The following STAG1 variants were observed in gnomAD, a reference collection of about 807,000 sequenced individuals.
STAG1 encodes the protein STAG1 cohesin complex component.
Under a neutral mutation model 170.9 loss-of-function variants are expected in STAG1, and 26 were observed. The ratio of observed to expected loss-of-function variants is 0.15; its 90% CI spans 0.11 to 0.21. The LOEUF (loss-of-function observed/expected upper bound fraction) is 0.21, where lower values mean the gene tolerates loss of function less well. Among genes scored for constraint, STAG1 ranks in the 10% least tolerant of loss-of-function variants. The pLI is 1.00. For missense variants in STAG1, 964 were observed against 1,509.5 expected (o/e 0.64, Z 5.99); for synonymous variants, 514 against 497.7 (o/e 1.03, Z -0.44).
chr3:136,599,820 G>C (rs1938587864), intron 4 of STAG1, among the ~76,000 whole-genome samples: 1 of 152,028 alleles, frequency 6.6e-6, no homozygotes, highest in African/African-American at 2.4e-5. Context: ...TCCATATCTT[G>C]TTTCATCTTC....
At chr3:136,686,334 G>A (rs369623581) in intron 1 of STAG1, among the ~76,000 whole-genome samples, 7 of 152,154 alleles carry the variant, frequency 4.6e-5, no homozygotes, top group East Asian at 3.8e-4. Flanking sequence ...TCTCAGTGTG[G>A]AAATGGATGT....
rs199639067 is a variant in STAG1 at position 136,551,911 on chromosome 3, ATGAGAGAGAGACAC to A, written c.395-9730_395-9717del. ...TGCCTGGCCTACTTGAGAGAAAGAC[ATGAGAGAGAGACAC>A]TGAGAGAGAGAGAGGCTGAAATTGA... On this transcript the variant is annotated intron_variant, in intron 5 of 33. Transcript: ENST00000383202. Among the ~76,000 whole-genome samples, 492 of 152,136 alleles carry A rather than the reference ATGAGAGAGAGACAC, an allele frequency of 3.2e-3. 5 individuals are homozygous for A. In the East Asian group the frequency reaches 0.045, roughly 14 times the overall value.
intron 1 of STAG1, among the ~76,000 whole-genome samples, chr3:136,681,942 C>A (rs555110085): frequency 1.3e-5 from 2 of 152,168 alleles, no homozygotes; most frequent in African/African-American, 4.8e-5. Context: ...AGATAAAAAT[C>A]TTTTCCTCTA....
At chr3:136,645,627 AAG>A (rs1411854456) in intron 1 of STAG1, among the ~76,000 whole-genome samples, 1 of 152,236 alleles carries the variant, frequency 6.6e-6, no homozygotes, top group East Asian at 1.9e-4. Flanking sequence ...TGAAAATATT[AAG>A]CTTTATGGGT....
chr3:136,524,123 T>C (rs1331176343), intron 6 of STAG1, among the ~76,000 whole-genome samples: 2 of 152,208 alleles, frequency 1.3e-5, no homozygotes, highest in Non-Finnish European at 2.9e-5. Context: ...TTTTTCCACT[T>C]ATCTGAAGAA....
At chr3:136,509,360 G>A (rs935584788) in intron 7 of STAG1, among the ~76,000 whole-genome samples, 3 of 150,662 alleles carry the variant, frequency 2.0e-5, no homozygotes, top group Admixed American at 6.6e-5. Flanking sequence ...ACACTAAGGG[G>A]ATTGCTAGGC....
At position 136,337,259 on chromosome 3, in the gene STAG1, C is replaced by CACTT. The variant is rs1326795739; in HGVS notation, c.*991_*994dup. The CACTT allele has an allele frequency of 6.6e-6, 1 of 152,592 alleles. No individual in the cohort carries two copies. The highest frequency in any genetic ancestry group is 1.5e-5 in the Non-Finnish European group (1 of 68,024). 9.5% of individuals were successfully genotyped at this position (152,592 alleles called of 1,614,324 possible). On this transcript the variant is annotated 3_prime_UTR_variant, in exon 34 of 34. Transcript: ENST00000383202. ...ATGGGAAGTAAACACAGTTATGTTACACTTAAAATTACTTTTGAATGATTG... is the reference window on the plus strand; with the variant it reads ...ATGGGAAGTAAACACAGTTATGTTACACTTACTTAAAATTACTTTTGAATGATTG...
At chr3:136,578,209 G>A (rs1199172165) in intron 4 of STAG1, among the ~76,000 whole-genome samples, 1 of 152,186 alleles carries the variant, frequency 6.6e-6, no homozygotes, top group African/African-American at 2.4e-5. Context: ...TGGAGATGAT[G>A]GGATCCCAAG....
chr3:136,547,303 A>G (rs1431582217), intron 5 of STAG1, among the ~76,000 whole-genome samples: 1 of 152,172 alleles, frequency 6.6e-6, no homozygotes, highest in Non-Finnish European at 1.5e-5. Flanking sequence ...ACTAAAGCCC[A>G]TACTTTATGC....
At chr3:136,640,256 G>A (rs754681696) in intron 1 of STAG1, among the ~76,000 whole-genome samples, 22 of 151,980 alleles carry the variant, frequency 1.4e-4, no homozygotes, top group Middle Eastern at 3.2e-3. Flanking sequence ...AAAAAATTCC[G>A]AACAAATATT....
chr3:136,720,248 T>C (rs529359030), intron 1 of STAG1, among the ~76,000 whole-genome samples: 1 of 150,600 alleles, frequency 6.6e-6, no homozygotes, highest in East Asian at 2.0e-4. Flanking sequence ...AGATAAACCA[T>C]CTGTGTGGAA....
intron 6 of STAG1, among the ~76,000 whole-genome samples, chr3:136,527,263 C>T (rs1488204139): frequency 6.6e-6 from 1 of 152,186 alleles, no homozygotes; most frequent in Admixed American, 6.5e-5. Flanking sequence ...TCACCATAGT[C>T]CCATATTTCT....
chr3:136,592,604 C>T (rs1043624506), intron 4 of STAG1, among the ~76,000 whole-genome samples: 5 of 152,164 alleles, frequency 3.3e-5, no homozygotes, highest in Admixed American at 3.3e-4. Context: ...ATTTCCCCAA[C>T]TTTCTCCTGA....
At chr3:136,413,010 G>A (rs371711098) in intron 21 of STAG1, among the ~76,000 whole-genome samples, 1 of 151,226 alleles carries the variant, frequency 6.6e-6, no homozygotes. Context: ...TTACAGGGAC[G>A]TGCCACCACA....
chr3:136,722,863 C>T (rs947764317), intron 1 of STAG1, among the ~76,000 whole-genome samples: 7 of 152,190 alleles, frequency 4.6e-5, no homozygotes, highest in African/African-American at 1.4e-4. Context: ...GACTGGTTTT[C>T]GTATTTTTTT....
chr3:136,412,070 T>C (rs750690997), intron 21 of STAG1, among the ~76,000 whole-genome samples: 18 of 152,062 alleles, frequency 1.2e-4, no homozygotes, highest in Admixed American at 3.9e-4. Context: ...AGGAACTGGA[T>C]TGAAAGGAAC....
intron 4 of STAG1, among the ~76,000 whole-genome samples, chr3:136,586,188 C>T (rs1937809357): frequency 6.6e-6 from 1 of 151,892 alleles, no homozygotes; most frequent in South Asian, 2.1e-4. Flanking sequence ...ACATAAAGTC[C>T]ATTTTTCCTA....
chr3:136,493,996 C>T (rs148000837), intron 9 of STAG1, among the ~76,000 whole-genome samples: 28 of 152,246 alleles, frequency 1.8e-4, no homozygotes, highest in Admixed American at 1.1e-3. Flanking sequence ...GTGTGCAGGG[C>T]GCAGTGGCTC....
At chr3:136,694,813 T>G (rs1942834391) in intron 1 of STAG1, among the ~76,000 whole-genome samples, 1 of 150,890 alleles carries the variant, frequency 6.6e-6, no homozygotes, top group Non-Finnish European at 1.5e-5. Flanking sequence ...AGGGAAAAGT[T>G]TTTGTAAGTA....
Sources: allele counts gnomAD v4.1 joint callset (sites outside exome capture counted in the v4.1 genomes callset), GRCh38; gene constraint gnomAD v4.1.1; transcripts MANE v1.5; gene names NCBI Gene and HGNC (gene_info 2026-07-23, HGNC 2026-07-21).